TRABD2B: variants seen among roughly 807,000 people sequenced by gnomAD.
The protein encoded by TRABD2B is metalloprotease TIKI2.
In TRABD2B, 14 loss-of-function variants were observed where a neutral mutation model predicts 40.1. The ratio of observed to expected loss-of-function variants is 0.35; its 90% CI spans 0.23 to 0.55. The LOEUF is 0.55. Among genes scored for constraint, TRABD2B ranks in the 20% least tolerant of loss-of-function variants. The probability of loss-of-function intolerance (pLI) is 0.90; values close to 1 mark genes in which losing one functional copy is unlikely to be tolerated. For synonymous variants in TRABD2B, 263 were observed against 277.0 expected (o/e 0.95, Z 0.50); for missense variants, 541 against 648.6 (o/e 0.83, Z 1.80).
chr1:47,951,444 C>G (rs1284996332), intron 2 of TRABD2B, among the ~76,000 whole-genome samples: 1 of 152,158 alleles, frequency 6.6e-6, no homozygotes, highest in Non-Finnish European at 1.5e-5. Flanking sequence ...GACCCTGAGC[C>G]TAGAACAGAC....
At chr1:47,839,410 A>T (rs1300901480) in intron 2 of TRABD2B, among the ~76,000 whole-genome samples, 1 of 152,104 alleles carries the variant, frequency 6.6e-6, no homozygotes, top group Non-Finnish European at 1.5e-5. Context: ...ACACCTAACC[A>T]GTCCCCCAGT....
At chr1:47,841,142 A>G (rs903021839) in intron 2 of TRABD2B, among the ~76,000 whole-genome samples, 1 of 152,172 alleles carries the variant, frequency 6.6e-6, no homozygotes, top group Non-Finnish European at 1.5e-5. Context: ...TCCTTAACTC[A>G]TTTAATCTCT....
At chr1:47,901,678 T>A (rs1644602104) in intron 2 of TRABD2B, among the ~76,000 whole-genome samples, 1 of 152,278 alleles carries the variant, frequency 6.6e-6, no homozygotes, top group Non-Finnish European at 1.5e-5. Flanking sequence ...CTGATATAGA[T>A]TGATTACAGC....
intron 6 of TRABD2B, among the ~76,000 whole-genome samples, chr1:47,766,338 G>A (rs1644303065): frequency 6.6e-6 from 1 of 152,154 alleles, no homozygotes; most frequent in Admixed American, 6.5e-5. Context: ...GCCAGGCCCT[G>A]GCAGCCACAG....
intron 2 of TRABD2B, among the ~76,000 whole-genome samples, chr1:47,881,350 T>C (rs1374603072): frequency 1.7e-4 from 26 of 152,232 alleles, no homozygotes; most frequent in Admixed American, 1.7e-3. Context: ...GAGTGTCCCA[T>C]GTTTATGTGT....
chr1:47,959,847 C>T (rs1645483654), intron 2 of TRABD2B, among the ~76,000 whole-genome samples: 1 of 152,186 alleles, frequency 6.6e-6, no homozygotes, highest in African/African-American at 2.4e-5. Flanking sequence ...GGAATCCTCC[C>T]TAACTCATTT....
At chr1:47,892,319 G>T (rs768722040) in intron 2 of TRABD2B, among the ~76,000 whole-genome samples, 4 of 152,244 alleles carry the variant, frequency 2.6e-5, no homozygotes, top group Non-Finnish European at 4.4e-5. Context: ...GAATGGAACT[G>T]CCATGTGCTG....
intron 2 of TRABD2B, among the ~76,000 whole-genome samples, chr1:47,912,074 T>C (rs1280833030): frequency 1.3e-5 from 2 of 152,130 alleles, no homozygotes; most frequent in Non-Finnish European, 2.9e-5. Flanking sequence ...TTTGCATCTC[T>C]TGGAGGAGGG....
At position 47,794,713 on chromosome 1, in the gene TRABD2B, C is replaced by G. The variant is rs1306343110; in HGVS notation, c.861G>C (p.Thr287=). 2.0e-6 allele frequency: 3 copies of G among 1,536,094 alleles called. No homozygotes were observed. In the South Asian group the frequency reaches 3.6e-5, roughly 18 times the overall value. ...GGAAGTAGCTGTCAATCTCCTGGGC[C>G]GTCACCTGCTCGTGTGGCGGGAGGG... ...NTTLPPHEQV[T]AQEIDSYFRQ... Residue 287 remains threonine, a synonymous_variant, in exon 4 of 7, where the codon ACG becomes ACC. Transcript: ENST00000606738.
At chr1:47,840,295 C>T (rs549736053) in intron 2 of TRABD2B, among the ~76,000 whole-genome samples, 1 of 152,334 alleles carries the variant, frequency 6.6e-6, no homozygotes, top group South Asian at 2.1e-4. Context: ...CAGTCTTCGA[C>T]AAGGCCCCCA....
intron 2 of TRABD2B, among the ~76,000 whole-genome samples, chr1:47,919,088 TGTG>T (rs1644867216): frequency 6.6e-6 from 1 of 152,222 alleles, no homozygotes; most frequent in Non-Finnish European, 1.5e-5. Context: ...CATTGTGTGT[TGTG>T]GTCATCTGCT....
chr1:47,958,725 C>A (rs887954394), intron 2 of TRABD2B, among the ~76,000 whole-genome samples: 3 of 152,250 alleles, frequency 2.0e-5, no homozygotes, highest in East Asian at 3.9e-4. Flanking sequence ...TCCTTAGAGA[C>A]CTACAAAGAG....
chr1:47,997,172 T>C lies in TRABD2B; in HGVS notation c.-383A>G, dbSNP rs1162000531. 1.2e-5 allele frequency: 12 copies of C among 982,402 alleles called. No individual in the cohort carries two copies. The highest frequency in any genetic ancestry group is 1.3e-5 in the Non-Finnish European group (11 of 828,930). 60.9% of individuals were successfully genotyped at this position (982,402 alleles called of 1,614,324 possible). A position where few individuals can be genotyped will look rare whatever the true frequency, so the allele number is the denominator to read the frequency against. On this transcript the variant is annotated 5_prime_UTR_variant, in exon 1 of 7. Transcript: ENST00000606738. ...GGGGTGCGCAAGGGTCCCGGGGTTATGCTGGGCACCCGGGGCACGCAAGGG... is the reference window on the plus strand; with the variant it reads ...GGGGTGCGCAAGGGTCCCGGGGTTACGCTGGGCACCCGGGGCACGCAAGGG...
chr1:47,862,294 T>G (rs1643985143), intron 2 of TRABD2B, among the ~76,000 whole-genome samples: 1 of 152,086 alleles, frequency 6.6e-6, no homozygotes, highest in African/African-American at 2.4e-5. Context: ...AAGGAAGAAA[T>G]ACATCTTTTT....
intron 5 of TRABD2B, among the ~76,000 whole-genome samples, chr1:47,777,194 C>T (rs1014008138): frequency 1.3e-5 from 2 of 152,122 alleles, no homozygotes; most frequent in African/African-American, 4.8e-5. Flanking sequence ...AGGGGAAGGT[C>T]CTTGGGGCTG....
intron 2 of TRABD2B, among the ~76,000 whole-genome samples, chr1:47,907,747 T>G (rs920588263): frequency 7.9e-5 from 12 of 152,188 alleles, no homozygotes; most frequent in African/African-American, 2.4e-4. Flanking sequence ...GAAGTCAAAT[T>G]GGTAGGAAAA....
chr1:47,881,151 A>G (rs1445334537), intron 2 of TRABD2B, among the ~76,000 whole-genome samples: 2 of 152,202 alleles, frequency 1.3e-5, no homozygotes, highest in Admixed American at 6.5e-5. Flanking sequence ...GTCTGGTCCC[A>G]TGCCCATGAT....
chr1:47,934,246 TC>T (rs1645076432), intron 2 of TRABD2B, among the ~76,000 whole-genome samples: 2 of 152,334 alleles, frequency 1.3e-5, no homozygotes, highest in South Asian at 4.1e-4. Flanking sequence ...CTCCCCAGTC[TC>T]TGGTTCATCC....
At position 47,764,285 on chromosome 1, in the gene TRABD2B, T is replaced by G. The variant is rs1047435737; in HGVS notation, c.*1617A>C. The G allele has an allele frequency of 6.6e-6, 1 of 152,216 alleles. No homozygotes were observed. Among genetic ancestry groups the G allele is most frequent in the Admixed American group, 6.5e-5 (1 of 15,284 alleles). The allele number at this position is 152,216 out of a possible 1,614,324, so 9.4% of individuals were successfully genotyped here. ...AGTGTCTCCTCTCTGTGGGCCTTATTATTCCTCCTACTGTTACTATTATCC... is the reference window on the plus strand; with the variant it reads ...AGTGTCTCCTCTCTGTGGGCCTTATGATTCCTCCTACTGTTACTATTATCC... On this transcript the variant is annotated 3_prime_UTR_variant, in exon 7 of 7. Transcript: ENST00000606738.
Sources: allele counts gnomAD v4.1 joint callset (sites outside exome capture counted in the v4.1 genomes callset), GRCh38; gene constraint gnomAD v4.1.1; transcripts MANE v1.5; gene names NCBI Gene and HGNC (gene_info 2026-07-23, HGNC 2026-07-21).